Variants in CDH12 observed in about 807,000 individuals in gnomAD.
CDH12 encodes the protein cadherin-12.
Under a neutral mutation model 74.1 loss-of-function variants are expected in CDH12, and 41 were observed. That is an observed-to-expected ratio of 0.55 (90% CI 0.43 to 0.72). The LOEUF is 0.72. CDH12 is among the 30% of genes least tolerant of loss of function. The pLI, the probability that CDH12 is intolerant of heterozygous loss-of-function variation, is 0.00. For missense variants in CDH12, 945 were observed against 977.2 expected (o/e 0.97, Z 0.44); for synonymous variants, 399 against 355.0 (o/e 1.12, Z -1.39).
intron 4 of CDH12, among the ~76,000 whole-genome samples, chr5:22,117,515 ATATATATAAT>A (rs1323685599): frequency 0.029 from 2,663 of 91,494 alleles, 145 homozygotes; most frequent in Middle Eastern, 0.072. Context: ...TATATATAAT[ATATATATAAT>A]ATATATATAT....
chr5:22,473,257 T>C (rs1746041130), intron 2 of CDH12, among the ~76,000 whole-genome samples: 1 of 152,118 alleles, frequency 6.6e-6, no homozygotes, highest in East Asian at 1.9e-4. Context: ...GAGATCTCCA[T>C]TCTGCTGCAT....
intron 1 of CDH12, among the ~76,000 whole-genome samples, chr5:22,729,916 T>G (rs961344020): frequency 6.6e-5 from 10 of 151,848 alleles, no homozygotes; most frequent in African/African-American, 2.4e-4. Context: ...TGAATTATTA[T>G]GAGGATTAAA....
At chr5:22,106,034 T>C (rs1477765144) in intron 4 of CDH12, among the ~76,000 whole-genome samples, 1 of 152,236 alleles carries the variant, frequency 6.6e-6, no homozygotes, top group Non-Finnish European at 1.5e-5. Context: ...ACTATTGCCA[T>C]AGAAGTTTCC....
At chr5:22,721,347 A>C (rs1047009390) in intron 1 of CDH12, among the ~76,000 whole-genome samples, 8 of 152,248 alleles carry the variant, frequency 5.3e-5, no homozygotes. Flanking sequence ...TTAAGATTGA[A>C]TGACTGTCCT....
At chr5:22,816,708 G>A (rs1433088283) in intron 1 of CDH12, among the ~76,000 whole-genome samples, 1 of 152,136 alleles carries the variant, frequency 6.6e-6, no homozygotes, top group Non-Finnish European at 1.5e-5. Flanking sequence ...AGCTATGGCA[G>A]AGCCTTCATT....
rs567994255 is a variant in CDH12 at position 22,279,622 on chromosome 5, C to T, written c.-332-66979G>A. 7.2e-5 allele frequency among the ~76,000 whole-genome samples: 11 copies of T among 152,076 alleles called. No homozygotes were observed. The South Asian group carries it at 8.3e-4, about 11-fold the overall frequency. ...ATTCCCACCTACGAGTGAGAACATG[C>T]GCTGTTTGGGTTTTTGTCCTTGCAA... is the stretch of plus-strand genomic sequence containing the variant. On this transcript the variant is annotated intron_variant, in intron 3 of 14. Coordinates refer to ENST00000382254, the MANE Select transcript of CDH12 (RefSeq NM_004061.5).
intron 1 of CDH12, among the ~76,000 whole-genome samples, chr5:22,644,246 G>C (rs984052299): frequency 6.6e-6 from 1 of 152,072 alleles, no homozygotes; most frequent in Non-Finnish European, 1.5e-5. Flanking sequence ...AGTCTGCTAG[G>C]ACCCTCGCAA....
chr5:22,643,330 C>G (rs901977170), intron 1 of CDH12, among the ~76,000 whole-genome samples: 3 of 152,054 alleles, frequency 2.0e-5, no homozygotes, highest in Admixed American at 6.6e-5. Flanking sequence ...AACTGAGCTC[C>G]TGAAATTTGT....
In CDH12 at chr5:22,058,794, GAGGA is replaced by G. The variant is rs576094576; in HGVS notation, c.231+19648_231+19651del. Among the ~76,000 whole-genome samples the G allele has an allele frequency of 3.2e-4, 49 of 151,316 alleles. No homozygotes were observed. The South Asian group carries it at 7.6e-3, about 23-fold the overall frequency. On this transcript the variant is annotated intron_variant, in intron 5 of 14. Transcript: ENST00000382254. ...AGGGAGGGAGGGAGGGAGGAAAAGG[GAGGA>G]AGGAAGGAAGGAAAATAAACAAAAA...
At chr5:22,618,559 C>G (rs1358928351) in intron 1 of CDH12, among the ~76,000 whole-genome samples, 1 of 152,082 alleles carries the variant, frequency 6.6e-6, no homozygotes, top group Non-Finnish European at 1.5e-5. Context: ...ACACTGAGCT[C>G]GTTACTGTCT....
In CDH12 at chr5:21,752,018, G is replaced by A. The variant is rs2149858011; in HGVS notation, c.2104C>T (p.Arg702Cys). The A allele has an allele frequency of 1.9e-6, 3 of 1,614,050 alleles. No homozygotes were observed. Among genetic ancestry groups the A allele is most frequent in the East Asian group, 4.5e-5 (2 of 44,870 alleles). ...TTATCTTCCATGGGTGGTCTCTGAC[G>A]AGGTAAACAGAGAGAGTCTGGTTTT... ...DIKPDSLCLP[R>C]QRPPMEDNTD... The change falls in exon 15 of 15, where the codon CGT becomes TGT. Residue 702 changes from arginine (R) to cysteine (C), a missense_variant. By Grantham distance (180) the Arg-to-Cys change is radical. This residue lies in a region of CDH12 where 791 missense variants were observed against 792.8 expected (regional missense o/e 1.00). Transcript: ENST00000382254.
intron 2 of CDH12, among the ~76,000 whole-genome samples, chr5:22,459,716 T>G (rs1282054416): frequency 6.6e-6 from 1 of 152,122 alleles, no homozygotes; most frequent in Non-Finnish European, 1.5e-5. Flanking sequence ...GGCTCACGCT[T>G]GTAATCCCAG....
chr5:22,672,496 G>T (rs1334519950), intron 1 of CDH12, among the ~76,000 whole-genome samples: 1 of 152,032 alleles, frequency 6.6e-6, no homozygotes, highest in Non-Finnish European at 1.5e-5. Flanking sequence ...TACGATAAGA[G>T]GATGAATCCA....
At chr5:22,262,109 G>T (rs866302926) in intron 3 of CDH12, among the ~76,000 whole-genome samples, 1 of 151,732 alleles carries the variant, frequency 6.6e-6, no homozygotes, top group African/African-American at 2.4e-5. Flanking sequence ...GCAATGTAAT[G>T]CATACACTAT....
intron 3 of CDH12, among the ~76,000 whole-genome samples, chr5:22,382,070 A>G (rs1741779415): frequency 6.8e-6 from 1 of 147,070 alleles, no homozygotes; most frequent in African/African-American, 2.5e-5. Flanking sequence ...ATATTATAAT[A>G]CATAATATAA....
rs59120064 is a variant in CDH12, at chr5:22,053,070, T to C, written c.231+25376A>G. Among the ~76,000 whole-genome samples, 362 of 150,678 alleles carry C rather than the reference T, an allele frequency of 2.4e-3. 2 individuals are homozygous for C. The highest frequency in any genetic ancestry group is 8.5e-3 in the African/African-American group (342 of 40,344). ...GAATACTGAGGGTCTCTCGTTTTTT[T>C]TGTTTTTTTTTTTTAAATCATTCCA... On this transcript the variant is annotated intron_variant, in intron 5 of 14. Coordinates refer to ENST00000382254, the MANE Select transcript of CDH12 (RefSeq NM_004061.5).
chr5:22,163,159 G>A (rs1748466461), intron 4 of CDH12, among the ~76,000 whole-genome samples: 1 of 152,066 alleles, frequency 6.6e-6, no homozygotes, highest in African/African-American at 2.4e-5. Context: ...GGGATTACAG[G>A]CGTGAGCCAC....
chr5:22,396,782 T>G (rs1742479508), intron 3 of CDH12, among the ~76,000 whole-genome samples: 1 of 152,160 alleles, frequency 6.6e-6, no homozygotes, highest in Admixed American at 6.6e-5. Context: ...GGTTCTTTTC[T>G]AATCTACTAT....
chr5:22,200,775 T>A (rs1392482454), intron 4 of CDH12, among the ~76,000 whole-genome samples: 1 of 152,190 alleles, frequency 6.6e-6, no homozygotes, highest in South Asian at 2.1e-4. Context: ...TATTTTTAAT[T>A]TGAAGAAGAT....
Sources: allele counts gnomAD v4.1 joint callset (sites outside exome capture counted in the v4.1 genomes callset), GRCh38; gene constraint gnomAD v4.1.1; regional missense constraint gnomAD v4.1.1; transcripts MANE v1.5; gene names NCBI Gene and HGNC (gene_info 2026-07-23, HGNC 2026-07-21).